The following SENP5 variants were observed in gnomAD, a reference collection of about 807,000 sequenced individuals.
The protein encoded by SENP5 is SUMO specific peptidase 5, also known as sentrin-specific protease 5.
A neutral mutation model predicts 74.2 loss-of-function variants in SENP5; 21 were observed. The ratio of observed to expected loss-of-function variants is 0.28; its 90% CI spans 0.20 to 0.41. SENP5 has a LOEUF of 0.41. Ranked by LOEUF, SENP5 falls within the 10% of genes least tolerant of loss-of-function variation. SENP5 has a pLI of 1.00. For missense variants in SENP5, 717 were observed against 889.1 expected (o/e 0.81, Z 2.46); for synonymous variants, 311 against 312.7 (o/e 0.99, Z 0.06).
intron 2 of SENP5, among the ~76,000 whole-genome samples, chr3:196,889,115 CA>C (rs1256879117): frequency 1.4e-5 from 2 of 146,958 alleles, no homozygotes; most frequent in Admixed American, 6.8e-5. Context: ...GACTCTGTCT[CA>C]AAAAAAATAA....
At chr3:196,891,033 A>C (rs1298805710) in intron 2 of SENP5, among the ~76,000 whole-genome samples, 4 of 152,238 alleles carry the variant, frequency 2.6e-5, no homozygotes, top group Non-Finnish European at 4.4e-5. Context: ...TAATATCCAG[A>C]AAGTGAAAAC....
At chr3:196,900,496 A>G in intron 5 of SENP5, 84 bp downstream of exon 5, 1 of 1,080,506 alleles carries the variant, frequency 9.3e-7, no homozygotes, top group East Asian at 2.5e-5. Flanking sequence ...ATTTGATGTA[A>G]TTATCTGACA....
At chr3:196,881,490 A>G (rs544891187) in intron 1 of SENP5, among the ~76,000 whole-genome samples, 17 of 152,214 alleles carry the variant, frequency 1.1e-4, no homozygotes, top group Non-Finnish European at 1.8e-4. Flanking sequence ...AGAATGTGTT[A>G]TAATTTTTGC....
chr3:196,924,873 T>C (rs73891578), intron 7 of SENP5, among the ~76,000 whole-genome samples: 2,421 of 152,272 alleles, frequency 0.016, 58 homozygotes, highest in African/African-American at 0.053. Flanking sequence ...CTAAATACAC[T>C]ATGGTACGGT....
At chr3:196,919,816 A>G (rs13090986) in intron 6 of SENP5, among the ~76,000 whole-genome samples, 28,005 of 151,288 alleles carry the variant, frequency 0.19, 3,442 homozygotes, top group Non-Finnish European at 0.24. Flanking sequence ...GGGAGGGATC[A>G]AGATTTTTTT....
chr3:196,910,680 A>G (rs1157864793), intron 6 of SENP5, among the ~76,000 whole-genome samples: 1 of 152,090 alleles, frequency 6.6e-6, no homozygotes, highest in African/African-American at 2.4e-5. Context: ...TGCTATTCCC[A>G]TCAAACTACC....
intron 2 of SENP5, among the ~76,000 whole-genome samples, chr3:196,888,966 AT>A (rs1223092066): frequency 6.6e-6 from 1 of 152,010 alleles, no homozygotes; most frequent in East Asian, 1.9e-4. Flanking sequence ...AATTTAAAAA[AT>A]TAGCCGGGCG....
intron 8 of SENP5, 127 bp from the exon 9 acceptor site, chr3:196,929,506 G>A: frequency 1.7e-6 from 1 of 588,106 alleles, no homozygotes; most frequent in Non-Finnish European, 3.0e-6. Flanking sequence ...TGAGATATCA[G>A]ATATACCAGC....
At chr3:196,926,704 T>C (rs1167096857) in intron 7 of SENP5, among the ~76,000 whole-genome samples, 1 of 147,398 alleles carries the variant, frequency 6.8e-6, no homozygotes, top group Non-Finnish European at 1.5e-5. Context: ...AGTGGCCCAG[T>C]CTTGGCTCAT....
intron 2 of SENP5, among the ~76,000 whole-genome samples, chr3:196,887,536 C>T (rs1331902557): frequency 4.6e-5 from 7 of 151,080 alleles, no homozygotes; most frequent in African/African-American, 1.5e-4. Context: ...ATATAGGAGA[C>T]GCTCAATGTA....
At chr3:196,887,211 T>C (rs1654610644) in intron 2 of SENP5, among the ~76,000 whole-genome samples, 1 of 151,880 alleles carries the variant, frequency 6.6e-6, no homozygotes, top group South Asian at 2.1e-4. Flanking sequence ...GATGGAGTCT[T>C]ACTCTGTCGC....
intron 2 of SENP5, among the ~76,000 whole-genome samples, chr3:196,890,852 T>C (rs1400268275): frequency 3.9e-5 from 6 of 152,148 alleles, no homozygotes; most frequent in Non-Finnish European, 5.9e-5. Flanking sequence ...CTAAATTTAG[T>C]GTAGTAAAAT....
intron 2 of SENP5, among the ~76,000 whole-genome samples, chr3:196,890,273 A>G (rs1019626049): frequency 6.6e-6 from 1 of 152,236 alleles, no homozygotes; most frequent in African/African-American, 2.4e-5. Flanking sequence ...TAATGGGGCA[A>G]TGAGTACAAT....
intron 6 of SENP5, among the ~76,000 whole-genome samples, chr3:196,910,284 G>A (rs1380080813): frequency 2.7e-5 from 4 of 149,824 alleles, no homozygotes; most frequent in South Asian, 2.1e-4. Context: ...TTCCATCCTC[G>A]TGGATAGGAA....
intron 1 of SENP5, among the ~76,000 whole-genome samples, chr3:196,876,713 CAAA>C (rs34016373): frequency 6.5e-5 from 7 of 108,178 alleles, no homozygotes; most frequent in Non-Finnish European, 7.4e-5. Context: ...CGTATTTCTA[CAAA>C]AAAAAAAAAA....
At chr3:196,894,335 C>T (rs1714349606) in intron 2 of SENP5, among the ~76,000 whole-genome samples, 1 of 151,712 alleles carries the variant, frequency 6.6e-6, no homozygotes, top group Non-Finnish European at 1.5e-5. Flanking sequence ...GTTGGTCAGG[C>T]TTGTCTCAAA....
At chr3:196,870,946 G>A (rs78649621) in intron 1 of SENP5, among the ~76,000 whole-genome samples, 2,329 of 151,610 alleles carry the variant, frequency 0.015, 55 homozygotes, top group African/African-American at 0.052. Context: ...CGAGGCGGGT[G>A]GATCACGAGT....
At chr3:196,929,939 T>C (rs1276203826) in intron 9 of SENP5, among the ~76,000 whole-genome samples, 1 of 151,220 alleles carries the variant, frequency 6.6e-6, no homozygotes, top group African/African-American at 2.4e-5. Flanking sequence ...GTAAGCCACA[T>C]TGGAGACTGA....
chr3:196,890,596 A>G (rs1252682155), intron 2 of SENP5, among the ~76,000 whole-genome samples: 1 of 152,192 alleles, frequency 6.6e-6, no homozygotes, highest in East Asian at 1.9e-4. Context: ...ACAGCTGCAA[A>G]AGATTTGAGG....
Sources: gnomAD v4.1 joint callset for allele counts (sites outside exome capture counted in the v4.1 genomes callset) on GRCh38, gnomAD v4.1.1 for gene constraint, MANE v1.5 for transcripts, NCBI Gene and HGNC (gene_info 2026-07-23, HGNC 2026-07-21) for gene names.